Variants in ZNF544 observed in about 807,000 individuals in gnomAD.
ZNF544 encodes zinc finger protein AF020591.
In ZNF544, 10 loss-of-function variants were observed where a neutral mutation model predicts 13.5. The ratio of observed to expected loss-of-function variants is 0.74; its 90% CI spans 0.46 to 1.25. The LOEUF (loss-of-function observed/expected upper bound fraction) is 1.25, where lower values mean the gene tolerates loss of function less well. Ranked by LOEUF, ZNF544 falls within the 50% of genes most tolerant of loss-of-function variation. The pLI is 0.00. For synonymous variants in ZNF544, 323 were observed against 300.5 expected (o/e 1.07, Z -0.77); for missense variants, 896 against 845.6 (o/e 1.06, Z -0.74).
Position 58,244,015 on chromosome 19 carries a change from A to C in ZNF544, c.-9A>C, listed in dbSNP as rs1288909815. 1 of 1,607,312 alleles carries C rather than the reference A, an allele frequency of 6.2e-7. No homozygotes were observed. The highest frequency in any genetic ancestry group is 1.7e-5 in the Admixed American group (1 of 58,900). ...TCTACACAGCGGCCTCTTCAGGTGC[A>C]GGGAGGAAATGGAAGCACGTTCTAT... On this transcript the variant is annotated 5_prime_UTR_variant, in exon 4 of 7. Coordinates refer to ENST00000687789, the MANE Select transcript of ZNF544 (RefSeq NM_014480.4).
chr19:58,277,061 T>C (rs925508327), intron 6 of ZNF544: 15 of 554,596 alleles, frequency 2.7e-5, no homozygotes, highest in Non-Finnish European at 3.8e-5. Flanking sequence ...TTATGTGGCA[T>C]TTAGCCTAAG....
At chr19:58,233,091 A>G (rs887471680) in intron 3 of ZNF544, among the ~76,000 whole-genome samples, 1 of 152,144 alleles carries the variant, frequency 6.6e-6, no homozygotes, top group African/African-American at 2.4e-5. Context: ...CACACCTTGC[A>G]TGGCAGCAGG....
At chr19:58,256,872 G>A (rs1271888549) in intron 6 of ZNF544, among the ~76,000 whole-genome samples, 2 of 152,184 alleles carry the variant, frequency 1.3e-5, no homozygotes, top group African/African-American at 4.8e-5. Flanking sequence ...TGAGAAGCAA[G>A]GCTAGGTGAT....
intron 3 of ZNF544, among the ~76,000 whole-genome samples, chr19:58,232,946 CA>C (rs71190012): frequency 0.1 from 4,715 of 45,952 alleles, 171 homozygotes; most frequent in African/African-American, 0.31. Flanking sequence ...GACTCCATCT[CA>C]AAAAAAAAAA....
In ZNF544 at chr19:58,241,179, A is replaced by ATAT. The variant is rs1181835768; in HGVS notation, c.-59-2785_-59-2784insATT. On this transcript the variant is annotated intron_variant, in intron 3 of 6. Coordinates refer to ENST00000687789, the MANE Select transcript of ZNF544 (RefSeq NM_014480.4). ...TATATTTAAATATATATATATATAT[A>ATAT]TTTTTTTTTTTTTGTAGAGATAGGG... Among the ~76,000 whole-genome samples the ATAT allele has an allele frequency of 8.2e-5, 6 of 72,762 alleles. 1 individual carries two copies. Among genetic ancestry groups the ATAT allele is most frequent in the African/African-American group, 3.0e-4 (5 of 16,864 alleles). The allele number at this position is 72,762 out of a possible 152,430, so 47.7% of individuals were successfully genotyped here. A position where few individuals can be genotyped will look rare whatever the true frequency, so the allele number is the denominator to read the frequency against.
intron 6 of ZNF544, among the ~76,000 whole-genome samples, chr19:58,251,787 GTTTCTGATGT>G (rs547682036): frequency 2.6e-5 from 4 of 152,186 alleles, no homozygotes; most frequent in Non-Finnish European, 5.9e-5. Context: ...GCAGATCCAA[GTTTCTGATGT>G]TTCCTGACAT....
chr19:58,249,783 T>C (rs1413160625), intron 6 of ZNF544, among the ~76,000 whole-genome samples: 2 of 152,212 alleles, frequency 1.3e-5, no homozygotes. Flanking sequence ...GAGGCATCTA[T>C]TTGATTTCGT....
intron 3 of ZNF544, among the ~76,000 whole-genome samples, chr19:58,240,382 C>T (rs539041172): frequency 9.9e-5 from 15 of 152,020 alleles, no homozygotes; most frequent in East Asian, 3.9e-4. Flanking sequence ...CTCAACTTCC[C>T]GAGTAGCTGG....
intron 6 of ZNF544, among the ~76,000 whole-genome samples, chr19:58,255,336 C>A (rs2047057363): frequency 6.6e-6 from 1 of 151,924 alleles, no homozygotes; most frequent in Non-Finnish European, 1.5e-5. Flanking sequence ...GCCACCATGC[C>A]CAGCCAATTT....
chr19:58,256,718 G>C (rs2047481080), intron 6 of ZNF544, among the ~76,000 whole-genome samples: 1 of 152,064 alleles, frequency 6.6e-6, no homozygotes, highest in African/African-American at 2.4e-5. Flanking sequence ...CAGTTAATTG[G>C]GCTCTTTTGA....
chr19:58,235,358 C>A (rs2042161151), intron 3 of ZNF544, among the ~76,000 whole-genome samples: 1 of 152,184 alleles, frequency 6.6e-6, no homozygotes, highest in Non-Finnish European at 1.5e-5. Context: ...CCATTGTAAT[C>A]ATATGGGACC....
At chr19:58,264,682 CTG>C (rs2049619613), downstream of ZNF544, among the ~76,000 whole-genome samples, 1 of 151,660 alleles carries the variant, frequency 6.6e-6, no homozygotes, top group South Asian at 2.1e-4. Flanking sequence ...CAGGGCAAGA[CTG>C]TGTCTCAAAA....
Position 58,263,086 on chromosome 19 carries a change from T to G in ZNF544, c.*332T>G, listed in dbSNP as rs978836668. The G allele has an allele frequency of 1.9e-6, 2 of 1,063,388 alleles. No individual in the cohort carries two copies. Among genetic ancestry groups the G allele is most frequent in the Non-Finnish European group, 2.3e-6 (2 of 877,772 alleles). 65.9% of individuals were successfully genotyped at this position (1,063,388 alleles called of 1,614,324 possible). On this transcript the variant is annotated 3_prime_UTR_variant, in exon 7 of 7. Coordinates refer to ENST00000687789, the MANE Select transcript of ZNF544 (RefSeq NM_014480.4). ...ATACTGGAGAGAAGCCCTGTGAATG[T>G]TAACAAATGTGGAAAAGCTTCCAGT...
intron 5 of ZNF544, 97 bp from the exon 6 acceptor site, chr19:58,246,614 G>A: frequency 6.7e-7 from 1 of 1,496,250 alleles, no homozygotes; most frequent in Non-Finnish European, 9.1e-7. Context: ...ACAGTGGGGA[G>A]TTTCCTCGGG....
In ZNF544 at chr19:58,262,739, T is replaced by G. The variant is rs1288175235; in HGVS notation, c.2133T>G (p.Thr711=). The change falls in exon 7 of 7, where the codon ACT becomes ACG. Residue 711 remains threonine (T), a synonymous_variant. Coordinates refer to ENST00000687789, the MANE Select transcript of ZNF544 (RefSeq NM_014480.4). ...SQLVVHRRTH[T]GEKP Reference sequence around the variant, plus strand: ...TTGTAGTGCATCGGCGGACACATACTGGAGAGAAACCTTAGGAGTGCAGTC... The same window carrying G: ...TTGTAGTGCATCGGCGGACACATACGGGAGAGAAACCTTAGGAGTGCAGTC... 5.0e-6 allele frequency: 8 copies of G among 1,601,016 alleles called. No individual in the cohort carries two copies. Among genetic ancestry groups the G allele is most frequent in the Non-Finnish European group, 6.0e-6 (7 of 1,172,016 alleles).
At chr19:58,277,445 C>T (rs1204853525) in exon 7 of ZNF544, 11 of 400,976 alleles carry the variant, frequency 2.7e-5, no homozygotes, top group African/African-American at 2.1e-4. Context: ...AGTAACTATA[C>T]TGTTCCCTGC....
At position 58,261,249 on chromosome 19, in the gene ZNF544, A is replaced by G; in HGVS notation, c.643A>G (p.Ser215Gly). ...KNGADGKHCE[S>G]HQCARAFCQS... Reference sequence around the variant, plus strand: ...TGGAGCAGATGGGAAGCACTGTGAGAGTCATCAGTGTGCTAGAGCTTTCTG... The same window carrying G: ...TGGAGCAGATGGGAAGCACTGTGAGGGTCATCAGTGTGCTAGAGCTTTCTG... The change falls in exon 7 of 7, where the codon AGT becomes GGT. Residue 215 changes from serine to glycine, a missense_variant. By Grantham distance (56) the Ser-to-Gly change is moderately conservative. Coordinates refer to ENST00000687789, the MANE Select transcript of ZNF544 (RefSeq NM_014480.4). 1 of 1,614,230 alleles carries G rather than the reference A, an allele frequency of 6.2e-7. No individual in the cohort carries two copies. Among genetic ancestry groups the G allele is most frequent in the African/African-American group, 1.3e-5 (1 of 75,068 alleles).
At chr19:58,241,212 G>C (rs1213045390) in intron 3 of ZNF544, among the ~76,000 whole-genome samples, 1 of 45,600 alleles carries the variant, frequency 2.2e-5, no homozygotes, top group Non-Finnish European at 4.8e-5. Context: ...GGGTCTCACT[G>C]TGTTGCCCAG....
chr19:58,267,766 AG>A (rs2147825198), downstream of ZNF544: 1 of 149,706 alleles, frequency 6.7e-6, no homozygotes, highest in South Asian at 2.1e-4. Context: ...GCGTATCACG[AG>A]GTCAGGAGAT....
Sources: gnomAD v4.1 joint callset for allele counts (sites outside exome capture counted in the v4.1 genomes callset) on GRCh38, gnomAD v4.1.1 for gene constraint, MANE v1.5 for transcripts, NCBI Gene and HGNC (gene_info 2026-07-23, HGNC 2026-07-21) for gene names.